Variants in GRIK5 observed in about 807,000 individuals in gnomAD.
GRIK5 encodes the protein glutamate receptor ionotropic, kainate 5.
Under a neutral mutation model 97.4 loss-of-function variants are expected in GRIK5, and 43 were observed. That is an observed-to-expected ratio of 0.44 (90% CI 0.35 to 0.57). The LOEUF is 0.57. GRIK5 is among the 20% of genes least tolerant of loss of function. The probability of loss-of-function intolerance (pLI) is 0.01; values close to 1 mark genes in which losing one functional copy is unlikely to be tolerated. For missense variants in GRIK5, 1,015 were observed against 1,382.0 expected (o/e 0.73, Z 4.21); for synonymous variants, 580 against 583.5 (o/e 0.99, Z 0.09).
rs906003439 is a variant in GRIK5, at chr19:42,022,070, G to C, written c.1588-14C>G. 1 of 1,583,894 alleles carries C rather than the reference G, an allele frequency of 6.3e-7. No individual in the cohort carries two copies. The highest frequency in any genetic ancestry group is 8.7e-7 in the Non-Finnish European group (1 of 1,155,170). On this transcript the variant is annotated splice_polypyrimidine_tract_variant and intron_variant, in intron 13 of 19. Transcript: ENST00000593562. This position sits in a 1 kb window ranked among gnomAD's most constrained non-coding sequence, Gnocchi z 4.2. Reference sequence around the variant, plus strand: ...AGGCTTGCGGCCCTGTGGGGAGAGGGAGTGAGACCCGGAGACACCCCTGGC... The same window carrying C: ...AGGCTTGCGGCCCTGTGGGGAGAGGCAGTGAGACCCGGAGACACCCCTGGC...
Position 42,002,564 on chromosome 19 carries a change from G to C in GRIK5, c.2514+768C>G. ...GCTGGGGTCTGGGGAGTAGATGTAA[G>C]GTCAGCCGCTGGATGTGAGGAGGGG... On this transcript the variant is annotated intron_variant, in intron 19 of 19. Coordinates refer to ENST00000593562, the MANE Select transcript of GRIK5 (RefSeq NM_002088.5). This position sits in a 1 kb window ranked among gnomAD's most constrained non-coding sequence, Gnocchi z 5.2. The C allele has an allele frequency of 1.5e-6, 1 of 661,716 alleles. No homozygotes were observed. The highest frequency in any genetic ancestry group is 2.8e-6 in the Non-Finnish European group (1 of 357,430). The allele number at this position is 661,716 out of a possible 1,614,324, so 41.0% of individuals were successfully genotyped here.
chr19:42,032,285 T>C (rs2075849080), intron 12 of GRIK5, among the ~76,000 whole-genome samples: 1 of 152,228 alleles, frequency 6.6e-6, no homozygotes, highest in South Asian at 2.1e-4. Context: ...TGATATTATA[T>C]TTGGCCTTTG....
Position 41,999,050 on chromosome 19 carries a change from C to T in GRIK5, c.2764G>A (p.Ala922Thr), listed in dbSNP as rs1259814685. The change falls in exon 20 of 20, where the codon GCC becomes ACC. Residue 922 changes from alanine to threonine, a missense_variant. By Grantham distance (58) the Ala-to-Thr change is moderately conservative. Transcript: ENST00000593562. The surrounding 1 kb of genome is among the most constrained non-coding windows in gnomAD (Gnocchi z 5.0). Reference sequence around the variant, plus strand: ...ACGTGGGTGCAGGGGGTGGGGGCGGCGGGTCGGGCTCCGCTGGGGGGCCCC... The same window carrying T: ...ACGTGGGTGCAGGGGGTGGGGGCGGTGGGTCGGGCTCCGCTGGGGGGCCCC... ...DPGPPSGARPAAPTPCTHVRV... is the reference protein window; with the variant it reads ...DPGPPSGARPTAPTPCTHVRV... The T allele has an allele frequency of 4.7e-5, 24 of 506,972 alleles. No individual in the cohort carries two copies. The African/African-American group carries it at 5.0e-4, about 10-fold the overall frequency. 31.4% of individuals were successfully genotyped at this position (506,972 alleles called of 1,614,324 possible).
intron 12 of GRIK5, among the ~76,000 whole-genome samples, chr19:42,030,001 T>G (rs903233135): frequency 6.6e-6 from 1 of 152,206 alleles, no homozygotes; most frequent in Admixed American, 6.5e-5. Context: ...CCTTAAGGAC[T>G]AAGTGTGGTA....
intron 3 of GRIK5, among the ~76,000 whole-genome samples, chr19:42,064,500 G>A (rs1568933212): frequency 1.3e-5 from 2 of 151,750 alleles, no homozygotes; most frequent in Non-Finnish European, 2.9e-5. Flanking sequence ...CTAGGCACAT[G>A]ACTGGAATGC....
chr19:42,059,731 C>T lies in GRIK5; in HGVS notation c.509-204G>A, dbSNP rs569403482. ...ATTAAAATCCCAACCTAGACCTCTT[C>T]CTAGAACTCCAGATTCCTGTCTCTG... On this transcript the variant is annotated intron_variant, in intron 5 of 19. Transcript: ENST00000593562. Among the ~76,000 whole-genome samples, 5 of 152,226 alleles carry T rather than the reference C, an allele frequency of 3.3e-5. No individual in the cohort carries two copies. In the South Asian group the frequency reaches 1.0e-3, roughly 32 times the overall value.
intron 15 of GRIK5, among the ~76,000 whole-genome samples, chr19:42,010,066 CA>C (rs60561027): frequency 0.85 from 88,185 of 104,096 alleles, 36,511 homozygotes; most frequent in African/African-American, 0.92. Flanking sequence ...AACTCCATCT[CA>C]AAAAAAAAAA....
At chr19:42,064,209 C>A (rs1303693789) in intron 3 of GRIK5, among the ~76,000 whole-genome samples, 8 of 152,166 alleles carry the variant, frequency 5.3e-5, no homozygotes, top group African/African-American at 7.2e-5. Flanking sequence ...TTTCCAGAAG[C>A]CTCACTCCCT....
chr19:42,002,141 G>A lies in GRIK5; in HGVS notation c.2514+1191C>T. The A allele has an allele frequency of 1.4e-6, 1 of 717,606 alleles. No homozygotes were observed. Among genetic ancestry groups the A allele is most frequent in the South Asian group, 1.5e-5 (1 of 67,590 alleles). 44.5% of individuals were successfully genotyped at this position (717,606 alleles called of 1,614,324 possible). ...CAGACATGGAAGTTGCTGGTGACAA[G>A]AGTGGCTTCAGTGGAGTGGCAGGGA... On this transcript the variant is annotated intron_variant, in intron 19 of 19. Transcript: ENST00000593562. This position sits in a 1 kb window ranked among gnomAD's most constrained non-coding sequence, Gnocchi z 5.2.
At chr19:42,037,949 T>G (rs1456077751) in intron 12 of GRIK5, among the ~76,000 whole-genome samples, 2 of 152,224 alleles carry the variant, frequency 1.3e-5, no homozygotes, top group Non-Finnish European at 2.9e-5. Context: ...CCTTCCCTCC[T>G]GCACAGGGCA....
Position 42,059,545 on chromosome 19 carries a change from C to T in GRIK5, c.509-18G>A. 6.2e-7 allele frequency: 1 copy of T among 1,604,118 alleles called. No individual in the cohort carries two copies. Among genetic ancestry groups the T allele is most frequent in the Non-Finnish European group, 8.5e-7 (1 of 1,175,774 alleles). On this transcript the variant is annotated intron_variant, in intron 5 of 19. Coordinates refer to ENST00000593562, the MANE Select transcript of GRIK5 (RefSeq NM_002088.5). The stretch of plus-strand genomic sequence containing the variant: ...CAGCAGGCCTGAGGGAGGGGTGGGG[C>T]CTTGGGTTGGAGCCCTTCTGGGTAC...
At chr19:42,057,461 T>C (rs1176866423) in intron 6 of GRIK5, among the ~76,000 whole-genome samples, 1 of 152,018 alleles carries the variant, frequency 6.6e-6, no homozygotes, top group Non-Finnish European at 1.5e-5. Context: ...AGCCTTGACC[T>C]CTCAGGCTCA....
chr19:42,041,061 G>T (rs1009012930), intron 12 of GRIK5, among the ~76,000 whole-genome samples: 3 of 152,074 alleles, frequency 2.0e-5, no homozygotes, highest in African/African-American at 7.2e-5. Flanking sequence ...TCTTGCCCAG[G>T]GTTCTGAGGG....
intron 15 of GRIK5, among the ~76,000 whole-genome samples, chr19:42,018,363 G>A (rs1383205059): frequency 6.7e-6 from 1 of 148,994 alleles, no homozygotes; most frequent in Non-Finnish European, 1.5e-5. Flanking sequence ...ATAAAGAAAT[G>A]TTGCTTCTCA....
chr19:42,062,897 T>C lies in GRIK5; in HGVS notation c.245-42A>G, dbSNP rs2076279657. On this transcript the variant is annotated intron_variant, in intron 3 of 19. Transcript: ENST00000593562. This position sits in a 1 kb window ranked among gnomAD's most constrained non-coding sequence, Gnocchi z 5.3. ...AGAGACCGCAGAGTCAGGGACCCCC[T>C]GCCTCCTCTCCTTCCCCATCCCTCA... is the stretch of plus-strand genomic sequence containing the variant. The C allele has an allele frequency of 1.4e-6, 2 of 1,450,090 alleles. No homozygotes were observed. The highest frequency in any genetic ancestry group is 2.8e-5 in the African/African-American group (2 of 71,794). 89.8% of individuals were successfully genotyped at this position (1,450,090 alleles called of 1,614,324 possible).
chr19:42,050,530 C>T (rs1043059617), intron 11 of GRIK5, among the ~76,000 whole-genome samples: 5 of 151,872 alleles, frequency 3.3e-5, no homozygotes, highest in Admixed American at 2.6e-4. Flanking sequence ...TGGTGACGGG[C>T]GCCTGTAGTC....
rs779636580 is a variant in GRIK5, at chr19:42,054,394, C to T, written c.982G>A (p.Gly328Ser). Reference sequence around the variant, plus strand: ...GATGTACAGGCCAGAGGCTTCACACCGATCTCCTGGCTGCGGTTCAGCTCT... The same window carrying T: ...GATGTACAGGCCAGAGGCTTCACACTGATCTCCTGGCTGCGGTTCAGCTCT... ...VRELNRSQEI[G>S]VKPLACTSAN... The change falls in exon 9 of 20, where the codon GGT (glycine) becomes AGT (serine). Residue 328 changes from glycine to serine, a missense_variant. This residue lies in a region of GRIK5 where 477 missense variants were observed against 701.1 expected (regional missense o/e 0.68). Coordinates refer to ENST00000593562, the MANE Select transcript of GRIK5 (RefSeq NM_002088.5). 2.2e-5 allele frequency: 35 copies of T among 1,613,776 alleles called. No individual in the cohort carries two copies. The highest frequency in any genetic ancestry group is 5.5e-5 in the South Asian group (5 of 91,074).
Position 42,003,305 on chromosome 19 carries a change from G to GGGC in GRIK5, c.2514+26_2514+27insGCC. The GGGC allele has an allele frequency of 6.9e-5, 107 of 1,540,470 alleles. No homozygotes were observed. The highest frequency in any genetic ancestry group is 8.9e-5 in the Non-Finnish European group (100 of 1,117,950). ...TCAGCCCCTGGGGGTCCCTGTTCCTGCCCACCCCCACCCCCAGCCTCCTCA... is the reference window on the plus strand; with the variant it reads ...TCAGCCCCTGGGGGTCCCTGTTCCTGGGCCCCACCCCCACCCCCAGCCTCCTCA... On this transcript the variant is annotated intron_variant, in intron 19 of 19. Transcript: ENST00000593562. This position sits in a 1 kb window ranked among gnomAD's most constrained non-coding sequence, Gnocchi z 4.2.
chr19:41,999,210 G>T lies in GRIK5; in HGVS notation c.2604C>A (p.Gly868=), dbSNP rs1420078346. The change falls in exon 20 of 20, where the codon GGC becomes GGA. Residue 868 remains glycine, a synonymous_variant. Coordinates refer to ENST00000593562, the MANE Select transcript of GRIK5 (RefSeq NM_002088.5). This position sits in a 1 kb window ranked among gnomAD's most constrained non-coding sequence, Gnocchi z 5.0. ...TSRSRRRRRP[G]GPSRALLSLR... is the part of the protein sequence containing the mutation. ...GTGACAGCAGGGCCCGGCTCGGGCC[G>T]CCCGGGCGTCGGCGCCGGCGGGAAC... The T allele has an allele frequency of 9.2e-6, 14 of 1,518,062 alleles. No homozygotes were observed. Among genetic ancestry groups the T allele is most frequent in the Middle Eastern group, 1.8e-4 (1 of 5,464 alleles). The allele number at this position is 1,518,062 out of a possible 1,614,324, so 94.0% of individuals were successfully genotyped here.
Sources: allele counts gnomAD v4.1 joint callset (sites outside exome capture counted in the v4.1 genomes callset), GRCh38; gene constraint gnomAD v4.1.1; regional missense constraint gnomAD v4.1.1; non-coding constraint Gnocchi (gnomAD v3.1); transcripts MANE v1.5; gene names NCBI Gene and HGNC (gene_info 2026-07-23, HGNC 2026-07-21).